Variants in HDAC9 observed in about 807,000 individuals in gnomAD.
The protein encoded by HDAC9 is MEF-2 interacting transcription repressor (MITR) protein.
A neutral mutation model predicts 139.4 loss-of-function variants in HDAC9; 41 were observed. The ratio of observed to expected loss-of-function variants is 0.29; its 90% CI spans 0.23 to 0.38. HDAC9 has a LOEUF of 0.38. Ranked by LOEUF, HDAC9 falls within the 10% of genes least tolerant of loss-of-function variation. The probability of loss-of-function intolerance (pLI) is 1.00; values close to 1 mark genes in which losing one functional copy is unlikely to be tolerated. For missense variants in HDAC9, 1,147 were observed against 1,297.0 expected, an observed-to-expected ratio of 0.88 and a Z score of 1.78; for synonymous variants, 517 against 476.2, an observed-to-expected ratio of 1.09 and a Z score of -1.12.
chr7:18,802,680 A>T, intron 17 of HDAC9, among the ~76,000 whole-genome samples: 1 of 151,444 alleles, frequency 6.6e-6, no homozygotes, highest in African/African-American at 2.4e-5. Flanking sequence ...ATATTTAAAA[A>T]CTCTGTTATT....
intron 12 of HDAC9, chr7:18,667,766 T>C: frequency 1.0e-6 from 1 of 984,914 alleles, no homozygotes; most frequent in Non-Finnish European, 1.2e-6. Context: ...ATTGATTTAT[T>C]GTCTAAGAAA....
chr7:18,460,687 C>A (rs4721713), intron 1 of HDAC9, among the ~76,000 whole-genome samples: 25,908 of 150,460 alleles, frequency 0.17, 2,869 homozygotes, highest in Admixed American at 0.29. Context: ...ACTCGGGAGG[C>A]TGAGGCAGGA....
At chr7:18,530,891 G>A (rs1376183286) in intron 2 of HDAC9, among the ~76,000 whole-genome samples, 2 of 151,174 alleles carry the variant, frequency 1.3e-5, no homozygotes, top group Admixed American at 6.6e-5. Flanking sequence ...AAATCAATCG[G>A]TATATAAAGG....
In HDAC9 at chr7:18,095,825, T is replaced by C. The variant is rs528185527; in HGVS notation, c.-97+8612T>C. On this transcript the variant is annotated intron_variant, in intron 1 of 12. Transcript: ENST00000417496. ...ACAAATGATGCTGTATTGTTGAAATTACATTGCCAGTATCCAGTTTAAAAG... is the reference window on the plus strand; with the variant it reads ...ACAAATGATGCTGTATTGTTGAAATCACATTGCCAGTATCCAGTTTAAAAG... Among the ~76,000 whole-genome samples the C allele has an allele frequency of 2.5e-4, 38 of 152,340 alleles. 1 individual carries two copies. The highest frequency in any genetic ancestry group is 9.1e-4 in the African/African-American group (38 of 41,604).
chr7:18,732,863 ATGTG>A (rs1230466595), intron 13 of HDAC9, among the ~76,000 whole-genome samples: 1 of 104,078 alleles, frequency 9.6e-6, no homozygotes, highest in African/African-American at 4.4e-5. Flanking sequence ...ATGTGTGCGT[ATGTG>A]TACACACACA....
intron 2 of HDAC9, among the ~76,000 whole-genome samples, chr7:18,183,434 A>G (rs1017710385): frequency 6.6e-6 from 1 of 152,228 alleles, no homozygotes; most frequent in Non-Finnish European, 1.5e-5. Context: ...GGCTAGAAGG[A>G]GACAAATCTA....
chr7:18,507,396 T>C (rs922114997), intron 2 of HDAC9, among the ~76,000 whole-genome samples: 10 of 151,714 alleles, frequency 6.6e-5, no homozygotes, highest in African/African-American at 1.9e-4. Flanking sequence ...GGTTTCACCA[T>C]GTTAGACAGG....
intron 13 of HDAC9, among the ~76,000 whole-genome samples, chr7:18,746,714 A>G (rs1207634321): frequency 6.6e-6 from 1 of 152,068 alleles, no homozygotes; most frequent in African/African-American, 2.4e-5. Flanking sequence ...ACTCATTAAA[A>G]CATATTTTTT....
rs575442652 is a variant in HDAC9, at chr7:18,852,332, A to G, written c.2684+16335A>G. Among the ~76,000 whole-genome samples the G allele has an allele frequency of 2.4e-4, 37 of 152,310 alleles. 1 individual carries two copies. The highest frequency in any genetic ancestry group is 1.3e-4 in the Non-Finnish European group (9 of 68,022). On this transcript the variant is annotated intron_variant, in intron 21 of 25. Transcript: ENST00000686413. The stretch of plus-strand genomic sequence containing the variant: ...AAGGACTCTTAATCCAAGTCTTGTG[A>G]GTAGCCCAGTGTCCTCCTGGCATGT...
chr7:18,598,132 CCTCT>C (rs560801550), intron 6 of HDAC9, among the ~76,000 whole-genome samples: 2 of 152,100 alleles, frequency 1.3e-5, no homozygotes, highest in South Asian at 2.1e-4. Context: ...AATATCTCTT[CCTCT>C]CTCTCTCCCT....
At chr7:18,415,154 C>T (rs1032828201) in intron 1 of HDAC9, among the ~76,000 whole-genome samples, 1 of 152,164 alleles carries the variant, frequency 6.6e-6, no homozygotes, top group Non-Finnish European at 1.5e-5. Context: ...AATCCTCTCC[C>T]TCCTGGTACA....
intron 1 of HDAC9, among the ~76,000 whole-genome samples, chr7:18,463,318 A>G (rs1439120582): frequency 6.6e-6 from 1 of 151,916 alleles, no homozygotes; most frequent in African/African-American, 2.4e-5. Context: ...TTTCTTCCTT[A>G]AAGTTTTGCA....
chr7:18,113,782 CAT>C (rs1783787566), intron 1 of HDAC9, among the ~76,000 whole-genome samples: 1 of 152,182 alleles, frequency 6.6e-6, no homozygotes, highest in South Asian at 2.1e-4. Flanking sequence ...TCAGTTGAAA[CAT>C]AGTAAGATAC....
intron 22 of HDAC9, among the ~76,000 whole-genome samples, chr7:18,926,161 C>A (rs1198263408): frequency 6.6e-6 from 1 of 152,056 alleles, no homozygotes; most frequent in Non-Finnish European, 1.5e-5. Flanking sequence ...CCAGCCTGGG[C>A]AACATAGTAA....
intron 1 of HDAC9, among the ~76,000 whole-genome samples, chr7:18,160,613 TTTA>T (rs781001594): frequency 1.3e-5 from 2 of 152,076 alleles, no homozygotes; most frequent in South Asian, 2.1e-4. Context: ...AATGTTTGTA[TTTA>T]TTATTATTAT....
rs71014309 is a variant in HDAC9 at position 18,138,527 on chromosome 7, GGTGTGTGTGT to G, written c.-96-23674_-96-23665del. 2.3e-3 allele frequency among the ~76,000 whole-genome samples: 328 copies of G among 142,662 alleles called. 2 individuals are homozygous for G. Among genetic ancestry groups the G allele is most frequent in the African/African-American group, 4.4e-3 (169 of 38,446 alleles). The allele number at this position is 142,662 out of a possible 152,430, so 93.6% of individuals were successfully genotyped here. ...GAAGCTGTAGTGAGAGAGAGAGAGA[GGTGTGTGTGT>G]GTGTGTGTGTGTGTGTGTGTGTGTG... On this transcript the variant is annotated intron_variant, in intron 1 of 12. Transcript: ENST00000417496.
chr7:18,598,646 G>C (rs1833110134), intron 6 of HDAC9, among the ~76,000 whole-genome samples: 1 of 152,156 alleles, frequency 6.6e-6, no homozygotes, highest in Non-Finnish European at 1.5e-5. Flanking sequence ...ACTCTTGACT[G>C]TATGCTTGTA....
intron 13 of HDAC9, among the ~76,000 whole-genome samples, chr7:18,731,934 A>C (rs773637192): frequency 6.6e-6 from 1 of 150,824 alleles, no homozygotes; most frequent in Non-Finnish European, 1.5e-5. Context: ...CCTTAAAAAA[A>C]TGATATTCTT....
chr7:18,156,961 G>T (rs1787253844), intron 1 of HDAC9, among the ~76,000 whole-genome samples: 1 of 152,122 alleles, frequency 6.6e-6, no homozygotes, highest in Admixed American at 6.5e-5. Context: ...GGTGGCACAC[G>T]CCTGTAGTCC....
Sources: allele counts gnomAD v4.1 joint callset (sites outside exome capture counted in the v4.1 genomes callset), GRCh38; gene constraint gnomAD v4.1.1; transcripts MANE v1.5; gene names NCBI Gene and HGNC (gene_info 2026-07-23, HGNC 2026-07-21).